ZNF540: variants seen among roughly 807,000 people sequenced by gnomAD.
The protein encoded by ZNF540 is zinc finger protein 540, also known as CTD-3064H18.6.
A neutral mutation model predicts 11.8 loss-of-function variants in ZNF540; 3 were observed. The ratio of observed to expected loss-of-function variants is 0.25; its 90% CI spans 0.12 to 0.65. The LOEUF is 0.65. Ranked by LOEUF, ZNF540 falls within the 30% of genes least tolerant of loss-of-function variation. The pLI, the probability that ZNF540 is intolerant of heterozygous loss-of-function variation, is 0.83. For synonymous variants in ZNF540, 247 were observed against 259.0 expected (o/e 0.95, Z 0.45); for missense variants, 709 against 793.1 (o/e 0.89, Z 1.27).
chr19:37,613,974 A>G lies in ZNF540; in HGVS notation c.*711A>G, dbSNP rs2044152343. ...AGCTCTTTCAACCACATGAGGTTAC[A>G]GCAAGAAGTCAGCAGTCTACAGTGC... On this transcript the variant is annotated 3_prime_UTR_variant, in exon 5 of 5. Transcript: ENST00000316433. 5.0e-6 allele frequency: 2 copies of G among 397,606 alleles called. No individual in the cohort carries two copies. The highest frequency in any genetic ancestry group is 4.1e-5 in the African/African-American group (2 of 48,604). The allele number at this position is 397,606 out of a possible 1,614,324, so 24.6% of individuals were successfully genotyped here. A position where few individuals can be genotyped will look rare whatever the true frequency, so the allele number is the denominator to read the frequency against.
At chr19:37,557,363 G>A (rs1008903901) in intron 1 of ZNF540, among the ~76,000 whole-genome samples, 2 of 152,184 alleles carry the variant, frequency 1.3e-5, no homozygotes, top group Middle Eastern at 3.2e-3. Flanking sequence ...AGTAGCCTGC[G>A]CTCCTGGCAG....
upstream of ZNF540, among the ~76,000 whole-genome samples, chr19:37,591,965 G>A (rs1279141745): frequency 6.6e-6 from 1 of 152,046 alleles, no homozygotes; most frequent in Non-Finnish European, 1.5e-5. Context: ...ATATATAACT[G>A]TTAATGAATG....
chr19:37,572,144 C>T (rs1414543714), intron 1 of ZNF540, among the ~76,000 whole-genome samples: 1 of 152,112 alleles, frequency 6.6e-6, no homozygotes, highest in Non-Finnish European at 1.5e-5. Context: ...ACTTCTGTTA[C>T]CCCTATCACT....
At position 37,612,073 on chromosome 19, in the gene ZNF540, C is replaced by A. The variant is rs754293435; in HGVS notation, c.793C>A (p.His265Asn). 3.1e-6 allele frequency: 5 copies of A among 1,611,642 alleles called. No homozygotes were observed. The highest frequency in any genetic ancestry group is 4.2e-6 in the Non-Finnish European group (5 of 1,179,536). The change falls in exon 5 of 5, where the codon CAC becomes AAC. Residue 265 changes from histidine to asparagine, a missense_variant. By Grantham distance (68) the His-to-Asn change is moderately conservative (BLOSUM62 1). Transcript: ENST00000316433. ...YPQLNRHQKI[H>N]TGKKPYMCKK... ...ACAACTTAATCGACATCAGAAAATT[C>A]ACACTGGTAAAAAACCCTATATGTG...
chr19:37,567,058 A>C (rs960263205), intron 1 of ZNF540, among the ~76,000 whole-genome samples: 1 of 152,274 alleles, frequency 6.6e-6, no homozygotes, highest in East Asian at 1.9e-4. Flanking sequence ...TTTTGTCTTT[A>C]GAATGCCCTT....
At chr19:37,580,687 G>C (rs1037497804) in intron 1 of ZNF540, among the ~76,000 whole-genome samples, 1 of 151,974 alleles carries the variant, frequency 6.6e-6, no homozygotes, top group Non-Finnish European at 1.5e-5. Context: ...AGTTCTCAAG[G>C]GAGCTGGTTT....
At chr19:37,567,241 T>G (rs2042893016) in intron 1 of ZNF540, among the ~76,000 whole-genome samples, 2 of 152,250 alleles carry the variant, frequency 1.3e-5, no homozygotes, top group Admixed American at 1.3e-4. Flanking sequence ...AGCAAGGGCT[T>G]TGTTTCATAT....
intron 1 of ZNF540, among the ~76,000 whole-genome samples, chr19:37,584,870 A>T (rs1379810866): frequency 3.3e-5 from 5 of 151,532 alleles, no homozygotes; most frequent in Non-Finnish European, 7.4e-5. Context: ...AGGCTGAGGC[A>T]GGAGAATGGC....
At chr19:37,608,863 T>C (rs185666866) in intron 4 of ZNF540, among the ~76,000 whole-genome samples, 2 of 152,150 alleles carry the variant, frequency 1.3e-5, no homozygotes, top group Admixed American at 1.3e-4. Flanking sequence ...CTTGAGAAAA[T>C]ACCCTAACCT....
chr19:37,556,472 C>T (rs2042660716), intron 1 of ZNF540, among the ~76,000 whole-genome samples: 1 of 152,146 alleles, frequency 6.6e-6, no homozygotes, highest in Non-Finnish European at 1.5e-5. Flanking sequence ...CGTCCACCTT[C>T]AGAGCCATTG....
At chr19:37,599,131 G>T (rs571328193) in intron 2 of ZNF540, among the ~76,000 whole-genome samples, 1 of 152,046 alleles carries the variant, frequency 6.6e-6, no homozygotes, top group South Asian at 2.1e-4. Context: ...GTACTCCAGC[G>T]TGGGCAACAG....
chr19:37,576,951 C>G (rs1270430957), intron 1 of ZNF540, among the ~76,000 whole-genome samples: 5 of 152,128 alleles, frequency 3.3e-5, no homozygotes, highest in Admixed American at 1.3e-4. Flanking sequence ...ACCTCACTAT[C>G]TCTTGCTAAT....
At chr19:37,588,067 T>A in intron 1 of ZNF540, among the ~76,000 whole-genome samples, 1 of 112,910 alleles carries the variant, frequency 8.9e-6, no homozygotes, top group South Asian at 3.1e-4. Context: ...GCCACTGCAC[T>A]CCAGCCTGGG....
At chr19:37,574,426 A>AT (rs899396780) in intron 1 of ZNF540, among the ~76,000 whole-genome samples, 1 of 152,110 alleles carries the variant, frequency 6.6e-6, no homozygotes, top group Non-Finnish European at 1.5e-5. Context: ...TTTTCACTAA[A>AT]TTTTTTTATC....
At chr19:37,565,091 G>T (rs564068756) in intron 1 of ZNF540, 1 of 1,613,092 alleles carries the variant, frequency 6.2e-7, no homozygotes, top group East Asian at 2.2e-5. Flanking sequence ...ACATTCAAAG[G>T]GTTTCTCACC....
At chr19:37,601,942 T>C (rs549754175) in intron 4 of ZNF540, among the ~76,000 whole-genome samples, 131 of 152,338 alleles carry the variant, frequency 8.6e-4, no homozygotes, top group Non-Finnish European at 1.7e-3. Flanking sequence ...CCAAGAGTGA[T>C]TGAAAGCCAT....
intron 1 of ZNF540, among the ~76,000 whole-genome samples, chr19:37,552,865 T>G (rs2042620243): frequency 6.6e-6 from 1 of 152,008 alleles, no homozygotes; most frequent in South Asian, 2.1e-4. Context: ...GACAATGACT[T>G]GAACTCGGGA....
At chr19:37,580,526 G>A (rs1444585416) in intron 1 of ZNF540, among the ~76,000 whole-genome samples, 3 of 152,184 alleles carry the variant, frequency 2.0e-5, no homozygotes, top group Non-Finnish European at 2.9e-5. Context: ...TTTGGATGTG[G>A]TTTGTACCCA....
chr19:37,568,208 C>T (rs1210087352), intron 1 of ZNF540, among the ~76,000 whole-genome samples: 2 of 152,086 alleles, frequency 1.3e-5, no homozygotes, highest in Non-Finnish European at 2.9e-5. Context: ...AAAATAAATA[C>T]ACATCAGTAA....
Sources: allele counts gnomAD v4.1 joint callset (sites outside exome capture counted in the v4.1 genomes callset), GRCh38; gene constraint gnomAD v4.1.1; transcripts MANE v1.5; gene names NCBI Gene and HGNC (gene_info 2026-07-23, HGNC 2026-07-21).